RARB: variants seen among roughly 807,000 people sequenced by gnomAD.
RARB encodes HBV-activated protein.
Under a neutral mutation model 51.9 loss-of-function variants are expected in RARB, and 17 were observed. The ratio of observed to expected loss-of-function variants is 0.33; its 90% CI spans 0.22 to 0.49. RARB has a LOEUF of 0.49. Among genes scored for constraint, RARB ranks in the 20% least tolerant of loss-of-function variants. RARB has a pLI of 0.99. For missense variants in RARB, 369 were observed against 550.8 expected, an observed-to-expected ratio of 0.67 and a Z score of 3.30; for synonymous variants, 215 against 195.4, an observed-to-expected ratio of 1.10 and a Z score of -0.84.
chr3:24,908,663 G>GTTTTTTTTTTTTTTTTTTTT (rs59008287), intron 2 of RARB, among the ~76,000 whole-genome samples: 1 of 93,462 alleles, frequency 1.1e-5, no homozygotes, highest in Non-Finnish European at 2.0e-5. Flanking sequence ...AACCACAACT[G>GTTTTTTTTTTTTTTTTTTTT]TTTTTTTTTT....
intron 5 of RARB, among the ~76,000 whole-genome samples, chr3:25,206,592 A>C (rs907831746): frequency 3.9e-5 from 6 of 152,114 alleles, no homozygotes; most frequent in African/African-American, 1.4e-4. Flanking sequence ...TTATCTTTCT[A>C]AGCTTCCCGT....
intron 5 of RARB, among the ~76,000 whole-genome samples, chr3:25,248,417 GCTA>G (rs1702621820): frequency 6.6e-6 from 1 of 152,048 alleles, no homozygotes; most frequent in Admixed American, 6.5e-5. Context: ...TATTAATTGA[GCTA>G]TTGTTATTTT....
chr3:25,201,656 G>T (rs947098592), intron 5 of RARB, among the ~76,000 whole-genome samples: 7 of 152,078 alleles, frequency 4.6e-5, no homozygotes, highest in Admixed American at 1.3e-4. Context: ...GTTGAGTTTT[G>T]TCAAAGGCCT....
intron 5 of RARB, among the ~76,000 whole-genome samples, chr3:25,327,812 T>A (rs1242063192): frequency 6.6e-6 from 1 of 152,244 alleles, no homozygotes; most frequent in Non-Finnish European, 1.5e-5. Flanking sequence ...GTAATTGGTA[T>A]ATTATCTGGT....
At chr3:24,890,446 GT>G (rs1420590348) in intron 2 of RARB, among the ~76,000 whole-genome samples, 2 of 152,146 alleles carry the variant, frequency 1.3e-5, no homozygotes, top group East Asian at 3.9e-4. Flanking sequence ...GAGCGGCACC[GT>G]GAAGACGTAT....
chr3:25,191,314 C>G (rs1437031148), intron 5 of RARB, among the ~76,000 whole-genome samples: 5 of 152,094 alleles, frequency 3.3e-5, no homozygotes, highest in African/African-American at 9.7e-5. Context: ...TCCATCTTTA[C>G]TTCCTCTGGG....
At chr3:25,400,029 A>AAT (rs987482535) in intron 5 of RARB, among the ~76,000 whole-genome samples, 3 of 152,222 alleles carry the variant, frequency 2.0e-5, no homozygotes, top group East Asian at 1.9e-4. Context: ...TTAATGAGGT[A>AAT]ATATATATAA....
At position 25,270,009 on chromosome 3, in the gene RARB, T is replaced by C. The variant is rs151198288; in HGVS notation, c.178+95434T>C. On this transcript the variant is annotated intron_variant, in intron 5 of 11. Transcript: ENST00000383772. ...TATTATTTGGGGGGCAAAAAGAAAA[T>C]CATATTGGCAAGGATGTGGATAAAT... 3.0e-3 allele frequency among the ~76,000 whole-genome samples: 459 copies of C among 152,190 alleles called. 4 individuals carry two copies. Among genetic ancestry groups the C allele is most frequent in the African/African-American group, 0.01 (433 of 41,524 alleles).
In RARB at chr3:25,145,876, C is replaced by A. The variant is rs143532496; in HGVS notation, c.-280+13668C>A. On this transcript the variant is annotated intron_variant, in intron 4 of 11. Coordinates refer to the RARB transcript ENST00000383772. ...TATTAACCAGGCATGGTAGGGGGTG[C>A]CTATAATCCCAGCTACTTGGGAGGC... Among the ~76,000 whole-genome samples the A allele has an allele frequency of 3.4e-3, 516 of 152,076 alleles. 2 individuals carry two copies. Among genetic ancestry groups the A allele is most frequent in the Non-Finnish European group, 5.4e-3 (368 of 67,986 alleles).
intron 2 of RARB, among the ~76,000 whole-genome samples, chr3:25,052,569 G>C (rs1025583837): frequency 2.0e-5 from 3 of 152,090 alleles, no homozygotes; most frequent in African/African-American, 7.2e-5. Context: ...CTAAAATAGG[G>C]TAGGAAATGT....
intron 3 of RARB, among the ~76,000 whole-genome samples, chr3:25,075,562 C>T (rs2125310441): frequency 6.6e-6 from 1 of 151,876 alleles, no homozygotes; most frequent in South Asian, 2.1e-4. Context: ...TACATTATAG[C>T]TAGGGGGAAA....
intron 3 of RARB, among the ~76,000 whole-genome samples, chr3:25,066,789 G>A (rs1220530648): frequency 6.6e-6 from 1 of 151,486 alleles, no homozygotes; most frequent in Non-Finnish European, 1.5e-5. Context: ...TTTGTTAATT[G>A]CCATATTATA....
chr3:25,076,626 A>G (rs1698875704), intron 3 of RARB, among the ~76,000 whole-genome samples: 1 of 152,224 alleles, frequency 6.6e-6, no homozygotes, highest in Non-Finnish European at 1.5e-5. Flanking sequence ...GAACGTTTAC[A>G]TATTAAATAT....
chr3:25,097,380 G>A (rs1164548731), intron 3 of RARB, among the ~76,000 whole-genome samples: 1 of 152,168 alleles, frequency 6.6e-6, no homozygotes, highest in East Asian at 1.9e-4. Flanking sequence ...AAAACATTGA[G>A]GGGGTTACTT....
intron 6 of RARB, 87 bp from the exon 7 acceptor site, chr3:25,594,433 C>T: frequency 1.5e-6 from 2 of 1,336,514 alleles, no homozygotes; most frequent in African/African-American, 1.5e-5. Context: ...AATTAATGAA[C>T]TCATAACAGT....
At chr3:25,532,397 A>G (rs974750241) in intron 3 of RARB, among the ~76,000 whole-genome samples, 6 of 152,224 alleles carry the variant, frequency 3.9e-5, no homozygotes, top group African/African-American at 1.4e-4. Context: ...TGTTATTAAC[A>G]GCAGAGGGGC....
At position 25,350,463 on chromosome 3, in the gene RARB, T is replaced by C. The variant is rs142968834; in HGVS notation, c.179-110730T>C. Among the ~76,000 whole-genome samples, 783 of 152,328 alleles carry C rather than the reference T, an allele frequency of 5.1e-3. 3 individuals carry two copies. The highest frequency in any genetic ancestry group is 0.031 in the Middle Eastern group (9 of 294). On this transcript the variant is annotated intron_variant, in intron 5 of 11. Coordinates refer to the RARB transcript ENST00000383772. ...TTGGAGTGCAAGGACATGTGTCTGC[T>C]GAATAGGCATCTCTATTAACTTTCT...
chr3:25,270,967 C>G (rs570664414), intron 5 of RARB, among the ~76,000 whole-genome samples: 44 of 152,358 alleles, frequency 2.9e-4, no homozygotes, highest in African/African-American at 1.1e-3. Context: ...CCTGTGTTCT[C>G]TCCTTGAAAT....
In RARB at chr3:24,938,914, C is replaced by T. The variant is rs551366075; in HGVS notation, c.-380+80162C>T. 6.8e-4 allele frequency among the ~76,000 whole-genome samples: 103 copies of T among 152,102 alleles called. 1 individual carries two copies. Among genetic ancestry groups the T allele is most frequent in the Middle Eastern group, 3.4e-3 (1 of 294 alleles). On this transcript the variant is annotated intron_variant, in intron 2 of 11. Transcript: ENST00000383772. ...ATCAAAGTTTTATTCCTTTTTAAGG[C>T]GAATAATATGCCATTTTTCACATTT...
Sources: allele counts gnomAD v4.1 joint callset (sites outside exome capture counted in the v4.1 genomes callset), GRCh38; gene constraint gnomAD v4.1.1; transcripts MANE v1.5; gene names NCBI Gene and HGNC (gene_info 2026-07-23, HGNC 2026-07-21).